The following SND1 variants were observed in gnomAD, a reference collection of about 807,000 sequenced individuals.
SND1 encodes staphylococcal nuclease and tudor domain containing 1.
A neutral mutation model predicts 121.7 loss-of-function variants in SND1; 38 were observed. That is an observed-to-expected ratio of 0.31 (90% CI 0.24 to 0.41). SND1 has a LOEUF of 0.41. SND1 is among the 10% of genes least tolerant of loss of function. The pLI is 1.00. For missense variants in SND1, 868 were observed against 1,184.6 expected (o/e 0.73, Z 3.92); for synonymous variants, 401 against 447.4 (o/e 0.90, Z 1.31).
intron 16 of SND1, among the ~76,000 whole-genome samples, chr7:127,994,538 T>A (rs1802592033): frequency 1.1e-5 from 1 of 88,514 alleles, no homozygotes; most frequent in Admixed American, 1.8e-4. Flanking sequence ...CAAATGACGA[T>A]CACTTTTACT....
At chr7:127,829,297 T>C (rs1798698053) in intron 11 of SND1, among the ~76,000 whole-genome samples, 1 of 152,156 alleles carries the variant, frequency 6.6e-6, no homozygotes, top group Admixed American at 6.5e-5. Context: ...GCAAAGGACC[T>C]GCTGTGAGGC....
chr7:127,921,783 T>TGTC (rs1235038400), intron 14 of SND1, among the ~76,000 whole-genome samples: 27 of 152,360 alleles, frequency 1.8e-4, no homozygotes, highest in African/African-American at 6.3e-4. Flanking sequence ...TGTTTAACTA[T>TGTC]AGTTTAACCT....
chr7:127,681,176 T>C (rs1348905540), intron 1 of SND1, among the ~76,000 whole-genome samples: 1 of 152,238 alleles, frequency 6.6e-6, no homozygotes, highest in Non-Finnish European at 1.5e-5. Flanking sequence ...GCCTGTCTTA[T>C]TGATTTTAGC....
chr7:127,652,656 A>T (rs777495102), intron 1 of SND1, among the ~76,000 whole-genome samples: 1 of 152,164 alleles, frequency 6.6e-6, no homozygotes, highest in Non-Finnish European at 1.5e-5. Flanking sequence ...ACACCTTGAC[A>T]TCAGGGGTCA....
chr7:127,785,688 T>A (rs764901008), intron 10 of SND1, among the ~76,000 whole-genome samples: 17 of 152,258 alleles, frequency 1.1e-4, no homozygotes, highest in Non-Finnish European at 2.4e-4. Flanking sequence ...GAATGCTTTC[T>A]CATAGTTATT....
intron 16 of SND1, among the ~76,000 whole-genome samples, chr7:128,068,729 T>C (rs1793359110): frequency 6.6e-6 from 1 of 152,196 alleles, no homozygotes; most frequent in Non-Finnish European, 1.5e-5. Context: ...CTCCCCTTCC[T>C]CATCCCTGGG....
At position 127,991,108 on chromosome 7, in the gene SND1, C is replaced by T. The variant is rs779530146; in HGVS notation, c.1779+52C>T. 1.2e-5 allele frequency: 15 copies of T among 1,289,142 alleles called. No individual in the cohort carries two copies. The East Asian group carries it at 2.6e-4, about 23-fold the overall frequency. 79.9% of individuals were successfully genotyped at this position (1,289,142 alleles called of 1,614,324 possible). A position where few individuals can be genotyped will look rare whatever the true frequency, so the allele number is the denominator to read the frequency against. On this transcript the variant is annotated intron_variant, in intron 16 of 23. Transcript: ENST00000354725. ...TGTGAGGAGGGGTGACAAAATAAGG[C>T]TCCCTTGGTCTGCCATGTCAGAGAT...
At chr7:127,785,374 C>CAGAA (rs1261649468) in intron 10 of SND1, among the ~76,000 whole-genome samples, 2 of 152,134 alleles carry the variant, frequency 1.3e-5, no homozygotes, top group African/African-American at 4.8e-5. Context: ...TATGCAGAGA[C>CAGAA]AGAAGTGATA....
chr7:127,827,108 A>ACT (rs1798657271), intron 11 of SND1, among the ~76,000 whole-genome samples: 1 of 152,134 alleles, frequency 6.6e-6, no homozygotes, highest in Non-Finnish European at 1.5e-5. Context: ...CTTAGTTATA[A>ACT]CTCTTTTAGT....
At chr7:127,975,566 A>T (rs906717619) in intron 15 of SND1, among the ~76,000 whole-genome samples, 7 of 152,156 alleles carry the variant, frequency 4.6e-5, no homozygotes, top group African/African-American at 1.7e-4. Flanking sequence ...GAATGGCCTG[A>T]CAGAGAGCAG....
intron 1 of SND1, among the ~76,000 whole-genome samples, chr7:127,670,397 T>G (rs558949238): frequency 6.6e-6 from 1 of 152,190 alleles, no homozygotes; most frequent in South Asian, 2.1e-4. Flanking sequence ...GGATTACAGA[T>G]GTGAGCCACT....
chr7:127,743,437 G>A (rs1796918990), intron 10 of SND1, among the ~76,000 whole-genome samples: 1 of 152,178 alleles, frequency 6.6e-6, no homozygotes, highest in Non-Finnish European at 1.5e-5. Flanking sequence ...CTGATGTCAG[G>A]GAGGAAGGTG....
At chr7:127,716,547 T>C (rs909156354) in intron 9 of SND1, among the ~76,000 whole-genome samples, 2 of 152,070 alleles carry the variant, frequency 1.3e-5, no homozygotes, top group African/African-American at 2.4e-5. Flanking sequence ...ATTCTGTGTG[T>C]TGGCTTTATA....
Position 128,015,327 on chromosome 7 carries a change from C to T in SND1, c.1779+24271C>T, listed in dbSNP as rs1054118830. Among the ~76,000 whole-genome samples, 1 of 152,220 alleles carries T rather than the reference C, an allele frequency of 6.6e-6. No homozygotes were observed. The highest frequency in any genetic ancestry group is 1.5e-5 in the Non-Finnish European group (1 of 68,040). ...CATGATAAAAAGAATTTATCTGAAA[C>T]TCATAGAACAGGGCAAGGTTTAAGT... On this transcript the variant is annotated intron_variant, in intron 16 of 23. Transcript: ENST00000354725. The surrounding 1 kb of genome is among the most constrained non-coding windows in gnomAD (Gnocchi z 4.5).
chr7:127,945,320 G>A (rs1196196838), intron 15 of SND1, among the ~76,000 whole-genome samples: 10 of 152,168 alleles, frequency 6.6e-5, no homozygotes, highest in South Asian at 6.2e-4. Flanking sequence ...GTGAAACCCC[G>A]TCTCTACTAA....
At chr7:128,030,062 C>T in intron 16 of SND1, 2 of 1,613,402 alleles carry the variant, frequency 1.2e-6, no homozygotes, top group Non-Finnish European at 1.7e-6. Flanking sequence ...TGAACAGCCC[C>T]TCAAAAGCTC....
At position 128,074,670 on chromosome 7, in the gene SND1, G is replaced by A. The variant is rs780800805; in HGVS notation, c.1948G>A (p.Ala650Thr). The change falls in exon 17 of 24, where the codon GCA becomes ACA. Residue 650 changes from alanine (A) to threonine (T), a missense_variant. By Grantham distance (58) the Ala-to-Thr change is moderately conservative. This residue lies in a region of SND1 where 743 missense variants were observed against 1,071.3 expected (regional missense o/e 0.69). Coordinates refer to ENST00000354725, the MANE Select transcript of SND1 (RefSeq NM_014390.4). ...GTCCCTGCTGTCTGCCGAGGAGGCCGCAAAGCAGAAGAAAGAGAAGGTACA... is the reference window on the plus strand; with the variant it reads ...GTCCCTGCTGTCTGCCGAGGAGGCCACAAAGCAGAAGAAAGAGAAGGTACA... The part of the protein sequence containing the change: ...YKSLLSAEEA[A>T]KQKKEKVWAH... The A allele has an allele frequency of 1.6e-5, 25 of 1,611,844 alleles. No homozygotes were observed. Among genetic ancestry groups the A allele is most frequent in the Non-Finnish European group, 2.1e-5 (25 of 1,179,108 alleles).
At chr7:127,939,120 G>C (rs1020676940) in intron 15 of SND1, among the ~76,000 whole-genome samples, 2 of 152,186 alleles carry the variant, frequency 1.3e-5, no homozygotes, top group South Asian at 4.1e-4. Flanking sequence ...CTGTCAAAAA[G>C]GCTGTTTCAA....
intron 15 of SND1, among the ~76,000 whole-genome samples, chr7:127,984,045 AT>A (rs1402456285): frequency 2.0e-5 from 3 of 152,138 alleles, no homozygotes; most frequent in Non-Finnish European, 4.4e-5. Flanking sequence ...AGCTGTACAA[AT>A]TTAGCACCTT....
Sources: gnomAD v4.1 joint callset for allele counts (sites outside exome capture counted in the v4.1 genomes callset) on GRCh38, gnomAD v4.1.1 for gene constraint, gnomAD v4.1.1 regional missense constraint, Gnocchi (gnomAD v3.1) non-coding constraint, MANE v1.5 for transcripts, NCBI Gene and HGNC (gene_info 2026-07-23, HGNC 2026-07-21) for gene names.